Variants in DLG2 observed in about 807,000 individuals in gnomAD.
DLG2 encodes the protein disks large homolog 2.
DLG2 carries 45 observed loss-of-function variants against 132.5 expected under a neutral mutation model. The ratio of observed to expected loss-of-function variants is 0.34; its 90% CI spans 0.27 to 0.44. DLG2 has a LOEUF of 0.44. Ranked by LOEUF, DLG2 falls within the 20% of genes least tolerant of loss-of-function variation. The pLI, the probability that DLG2 is intolerant of heterozygous loss-of-function variation, is 1.00. For missense variants in DLG2, 1,045 were observed against 1,196.9 expected (o/e 0.87, Z 1.87); for synonymous variants, 424 against 419.6 (o/e 1.01, Z -0.13).
chr11:84,932,413 C>T (rs1434995482), intron 6 of DLG2, among the ~76,000 whole-genome samples: 4 of 151,932 alleles, frequency 2.6e-5, no homozygotes, highest in South Asian at 2.1e-4. Flanking sequence ...TTTTATGTTC[C>T]GGATACATGT....
chr11:84,718,198 T>C (rs2061431904), intron 6 of DLG2, among the ~76,000 whole-genome samples: 1 of 152,130 alleles, frequency 6.6e-6, no homozygotes, highest in African/African-American at 2.4e-5. Flanking sequence ...GAGAATTATC[T>C]TATTCAAATA....
intron 3 of DLG2, among the ~76,000 whole-genome samples, chr11:85,387,697 A>C (rs1377620969): frequency 6.6e-6 from 1 of 152,216 alleles, no homozygotes; most frequent in Non-Finnish European, 1.5e-5. Flanking sequence ...GCATCCTCTT[A>C]CTTTCTGTCA....
At chr11:83,624,443 T>C (rs982659825) in intron 19 of DLG2, among the ~76,000 whole-genome samples, 30 of 152,256 alleles carry the variant, frequency 2.0e-4, no homozygotes, top group African/African-American at 6.8e-4. Flanking sequence ...CAAAGCCTTT[T>C]ATTCCACAAT....
At chr11:84,313,663 AAGAAAGAAAG>A (rs1248765443) in intron 7 of DLG2, among the ~76,000 whole-genome samples, 1 of 151,526 alleles carries the variant, frequency 6.6e-6, no homozygotes, top group Non-Finnish European at 1.5e-5. Flanking sequence ...GAAAGAAAGA[AAGAAAGAAAG>A]AAAGAAAGAA....
intron 6 of DLG2, among the ~76,000 whole-genome samples, chr11:84,633,512 C>A (rs1443463063): frequency 1.3e-5 from 2 of 152,068 alleles, no homozygotes; most frequent in African/African-American, 4.8e-5. Context: ...TTCTTGACTG[C>A]CTCCTCTTCC....
intron 3 of DLG2, among the ~76,000 whole-genome samples, chr11:85,332,750 A>T (rs1273678690): frequency 1.3e-5 from 2 of 152,136 alleles, no homozygotes; most frequent in Non-Finnish European, 2.9e-5. Flanking sequence ...ACCCTCTCAA[A>T]GATCAGATGA....
intron 7 of DLG2, among the ~76,000 whole-genome samples, chr11:84,500,004 G>A (rs754644635): frequency 6.6e-6 from 1 of 151,902 alleles, no homozygotes; most frequent in African/African-American, 2.4e-5. Flanking sequence ...GTCAAGAATT[G>A]TATTATTTTT....
intron 14 of DLG2, among the ~76,000 whole-genome samples, chr11:83,955,647 A>G (rs2086647303): frequency 6.6e-6 from 1 of 152,050 alleles, no homozygotes; most frequent in South Asian, 2.1e-4. Context: ...GTATATAAAG[A>G]CTCCAGGCTC....
intron 16 of DLG2, among the ~76,000 whole-genome samples, chr11:83,867,675 A>C (rs2154058023): frequency 6.6e-6 from 1 of 152,290 alleles, no homozygotes; most frequent in Admixed American, 6.5e-5. Context: ...GTCTGTTCTA[A>C]ACAAGAATCA....
At chr11:85,463,224 T>C (rs1036074756) in intron 3 of DLG2, among the ~76,000 whole-genome samples, 2 of 152,210 alleles carry the variant, frequency 1.3e-5, no homozygotes, top group African/African-American at 4.8e-5. Flanking sequence ...GTTGGATACA[T>C]TATCTCTTTT....
intron 18 of DLG2, among the ~76,000 whole-genome samples, chr11:83,737,900 AT>A (rs1260288644): frequency 3.3e-5 from 5 of 152,154 alleles, no homozygotes; most frequent in African/African-American, 9.7e-5. Flanking sequence ...TTCTCCACTT[AT>A]TCTTTTGGTG....
intron 8 of DLG2, among the ~76,000 whole-genome samples, chr11:84,165,396 C>G (rs760063440): frequency 3.9e-4 from 60 of 152,300 alleles, no homozygotes; most frequent in Non-Finnish European, 5.9e-5. Context: ...AATGCTGACT[C>G]TTAGATTTTT....
chr11:84,501,772 CT>C (rs1484762164), intron 7 of DLG2, among the ~76,000 whole-genome samples: 1 of 152,054 alleles, frequency 6.6e-6, no homozygotes, highest in Non-Finnish European at 1.5e-5. Flanking sequence ...CCAAAATTAT[CT>C]TCAATGGTAT....
At chr11:84,467,012 C>A (rs185992117) in intron 7 of DLG2, among the ~76,000 whole-genome samples, 1 of 151,140 alleles carries the variant, frequency 6.6e-6, no homozygotes, top group Non-Finnish European at 1.5e-5. Context: ...TATAAATTTC[C>A]TATCTTTGCT....
At chr11:84,640,273 A>G (rs1387351717) in intron 6 of DLG2, 2 of 330,440 alleles carry the variant, frequency 6.1e-6, no homozygotes, top group Admixed American at 3.9e-5. Context: ...AGGTCTGCAC[A>G]TGCTCACTTC....
rs528654272 is a variant in DLG2, at chr11:83,620,726, C to T, written c.1940+12485G>A. Among the ~76,000 whole-genome samples the T allele has an allele frequency of 3.6e-3, 536 of 150,922 alleles. 10 individuals are homozygous for T. The highest frequency in any genetic ancestry group is 0.016 in the East Asian group (80 of 5,134). ...TCTACTAAAAATACAAAAAATTAGC[C>T]GGGCGTAGTGGCGGGCGCCTGTAGT... is the stretch of plus-strand genomic sequence containing the variant. On this transcript the variant is annotated intron_variant, in intron 19 of 27. Coordinates refer to ENST00000376104, the MANE Select transcript of DLG2 (RefSeq NM_001142699.3).
chr11:83,965,225 C>A, intron 13 of DLG2, 99 bp downstream of exon 13: 1 of 1,320,774 alleles, frequency 7.6e-7, no homozygotes, highest in Non-Finnish European at 1.0e-6. Flanking sequence ...CAGAAGTTAA[C>A]CAAGAGGGAA....
intron 20 of DLG2, among the ~76,000 whole-genome samples, chr11:83,533,296 C>A (rs985431176): frequency 6.6e-6 from 1 of 152,140 alleles, no homozygotes; most frequent in African/African-American, 2.4e-5. Context: ...GTCATCTCTG[C>A]AGATTCATTG....
intron 6 of DLG2, among the ~76,000 whole-genome samples, chr11:84,880,716 C>T (rs2154053902): frequency 6.6e-6 from 1 of 152,166 alleles, no homozygotes; most frequent in East Asian, 1.9e-4. Flanking sequence ...AAATTTTAAA[C>T]TTTGGCATTT....
Sources: allele counts gnomAD v4.1 joint callset (sites outside exome capture counted in the v4.1 genomes callset), GRCh38; gene constraint gnomAD v4.1.1; transcripts MANE v1.5; gene names NCBI Gene and HGNC (gene_info 2026-07-23, HGNC 2026-07-21).